Variants in ELP2 observed in about 807,000 individuals in gnomAD.
ELP2 encodes the protein elongator acetyltransferase complex subunit 2, also known as elongator complex protein 2.
In ELP2, 90 loss-of-function variants were observed where a neutral mutation model predicts 119.2. The observed-to-expected ratio is 0.75, with a 90% CI of 0.64 to 0.90. The LOEUF (loss-of-function observed/expected upper bound fraction) is 0.90. Among genes scored for constraint, ELP2 ranks in the 40% least tolerant of loss-of-function variants. The pLI, the probability that ELP2 is intolerant of heterozygous loss-of-function variation, is 0.00. For synonymous variants in ELP2, 339 were observed against 331.0 expected (o/e 1.02, Z -0.26); for missense variants, 921 against 967.8 (o/e 0.95, Z 0.64).
intron 19 of ELP2, among the ~76,000 whole-genome samples, 171 bp downstream of exon 19, chr18:36,167,393 A>G (rs1035909528): frequency 2.6e-5 from 4 of 152,110 alleles, no homozygotes; most frequent in African/African-American, 9.7e-5. Context: ...TTTCTTGTTA[A>G]ATTCTATAAG....
intron 11 of ELP2, among the ~76,000 whole-genome samples, chr18:36,147,089 T>G (rs894228303): frequency 2.0e-5 from 3 of 150,952 alleles, no homozygotes; most frequent in East Asian, 3.9e-4. Flanking sequence ...TAGTTTTTTT[T>G]TTTTTTTTTT....
chr18:36,138,548 T>C, intron 4 of ELP2, 122 bp downstream of exon 4: 1 of 1,160,006 alleles, frequency 8.6e-7, no homozygotes, highest in Non-Finnish European at 1.2e-6. Flanking sequence ...ACTATAATTC[T>C]AATCTAAATT....
At chr18:36,138,974 A>C in intron 5 of ELP2, 102 bp downstream of exon 5, 1 of 884,594 alleles carries the variant, frequency 1.1e-6, no homozygotes, top group Non-Finnish European at 1.9e-6. Context: ...TTTGTATCTG[A>C]ATGTTTCTAT....
chr18:36,150,656 C>CT (rs2090367146), intron 11 of ELP2, among the ~76,000 whole-genome samples: 1 of 152,228 alleles, frequency 6.6e-6, no homozygotes, highest in Non-Finnish European at 1.5e-5. Context: ...TCCCAGCACT[C>CT]TAGCTTCTAC....
intron 17 of ELP2, among the ~76,000 whole-genome samples, chr18:36,162,587 G>A (rs904109835): frequency 4.6e-5 from 7 of 152,138 alleles, no homozygotes; most frequent in African/African-American, 1.7e-4. Flanking sequence ...ACATATCTGT[G>A]AGTGGAATTG....
chr18:36,160,234 T>C (rs974715710), intron 16 of ELP2, among the ~76,000 whole-genome samples: 2 of 152,174 alleles, frequency 1.3e-5, no homozygotes, highest in African/African-American at 4.8e-5. Flanking sequence ...TGTTTATTCA[T>C]CTTATTTTTA....
Position 36,138,320 on chromosome 18 carries a change from G to A in ELP2, c.339G>A (p.Val113=), listed in dbSNP as rs759209061. 3 of 1,614,112 alleles carry A rather than the reference G, an allele frequency of 1.9e-6. No homozygotes were observed. The highest frequency in any genetic ancestry group is 2.2e-5 in the East Asian group (1 of 44,870). ...GCCATGAAGGACCTGTTTATGCGGT[G>A]CATGCTGTTTACCAGAGGAGGACAT... ...LQGHEGPVYA[V]HAVYQRRTSD... is the part of the protein sequence containing the mutation. The change falls in exon 4 of 22, where the codon GTG becomes GTA. Residue 113 remains valine (V), a synonymous_variant. Coordinates refer to ENST00000358232, the MANE Select transcript of ELP2 (RefSeq NM_018255.4).
At chr18:36,143,792 T>C (rs1019327170) in intron 8 of ELP2, among the ~76,000 whole-genome samples, 1 of 152,216 alleles carries the variant, frequency 6.6e-6, no homozygotes, top group Non-Finnish European at 1.5e-5. Context: ...ATTTTTAAAA[T>C]TGCTGAGGAT....
At chr18:36,162,297 G>T (rs1205552391) in intron 17 of ELP2, among the ~76,000 whole-genome samples, 1 of 151,786 alleles carries the variant, frequency 6.6e-6, no homozygotes, top group Non-Finnish European at 1.5e-5. Flanking sequence ...TTCTAAAATT[G>T]TATATAAATA....
At chr18:36,171,941 A>G (rs1280759537) in intron 21 of ELP2, among the ~76,000 whole-genome samples, 2 of 152,132 alleles carry the variant, frequency 1.3e-5, no homozygotes, top group Admixed American at 1.3e-4. Context: ...GCTGGTCTCC[A>G]TATCCTGGGC....
chr18:36,171,170 T>G lies in ELP2; in HGVS notation c.2324+10T>G. 4 of 1,599,822 alleles carry G rather than the reference T, an allele frequency of 2.5e-6. No homozygotes were observed. The highest frequency in any genetic ancestry group is 3.4e-6 in the Non-Finnish European group (4 of 1,167,868). ...TAGAAACAAGTCAAAGGTATTTCTT[T>G]CCTATTTTTGTTTCCATCAGATTAA... On this transcript the variant is annotated intron_variant, in intron 21 of 21. Transcript: ENST00000358232.
chr18:36,157,909 G>A (rs1378007581), intron 13 of ELP2, among the ~76,000 whole-genome samples: 2 of 152,160 alleles, frequency 1.3e-5, no homozygotes, highest in Non-Finnish European at 2.9e-5. Context: ...GAATTGAAAT[G>A]GGGTTTTACG....
intron 4 of ELP2, 36 bp from the exon 5 acceptor site, chr18:36,138,759 A>G: frequency 2.0e-6 from 3 of 1,504,728 alleles, no homozygotes; most frequent in Non-Finnish European, 2.8e-6. Flanking sequence ...GCTCTGAGGT[A>G]GTTAGTTGTT....
In ELP2 at chr18:36,133,261, G is replaced by A. The variant is rs141467947; in HGVS notation, c.162G>A (p.Leu54=). The part of the protein sequence containing the change: ...DPLKRVVVTN[L]NGHTARVNCI... ...AGAAAAGGGTTGTTGTTACCAACTTGAATGGTCACACCGCCCGAGTCAATT... is the reference window on the plus strand; with the variant it reads ...AGAAAAGGGTTGTTGTTACCAACTTAAATGGTCACACCGCCCGAGTCAATT... The change falls in exon 2 of 22, where the codon TTG becomes TTA. Residue 54 remains leucine, a synonymous_variant. Coordinates refer to ENST00000358232, the MANE Select transcript of ELP2 (RefSeq NM_018255.4). The A allele has an allele frequency of 1.2e-5, 20 of 1,613,654 alleles. No individual in the cohort carries two copies. Among genetic ancestry groups the A allele is most frequent in the Non-Finnish European group, 1.4e-5 (17 of 1,179,710 alleles).
At chr18:36,163,226 A>G (rs2090791877) in intron 17 of ELP2, among the ~76,000 whole-genome samples, 1 of 150,856 alleles carries the variant, frequency 6.6e-6, no homozygotes, top group Non-Finnish European at 1.5e-5. Context: ...ATTTTGCTGC[A>G]GAAGACATGA....
chr18:36,174,405 A>G, intron 21 of ELP2, 80 bp from the exon 22 acceptor site: 1 of 1,397,620 alleles, frequency 7.2e-7, no homozygotes, highest in Non-Finnish European at 1.0e-6. Context: ...TGTACATTTC[A>G]ATTTTCAGGT....
intron 19 of ELP2, 187 bp from the exon 20 acceptor site, chr18:36,169,876 T>C (rs1006537436): frequency 2.8e-6 from 2 of 711,558 alleles, no homozygotes; most frequent in Non-Finnish European, 4.8e-6. Flanking sequence ...GCATGTCTGC[T>C]GTACCGTGCC....
intron 11 of ELP2, among the ~76,000 whole-genome samples, chr18:36,152,257 G>A (rs1487394572): frequency 3.3e-5 from 5 of 149,852 alleles, no homozygotes; most frequent in African/African-American, 7.3e-5. Flanking sequence ...TTTATTCTTT[G>A]TTTCTTAATA....
chr18:36,157,034 GTT>G (rs2090596904), intron 13 of ELP2, among the ~76,000 whole-genome samples: 1 of 152,156 alleles, frequency 6.6e-6, no homozygotes, highest in East Asian at 1.9e-4. Flanking sequence ...TGTATCTGCA[GTT>G]GTTAGATGAG....
Sources: gnomAD v4.1 joint callset for allele counts (sites outside exome capture counted in the v4.1 genomes callset) on GRCh38, gnomAD v4.1.1 for gene constraint, MANE v1.5 for transcripts, NCBI Gene and HGNC (gene_info 2026-07-23, HGNC 2026-07-21) for gene names.